Variants in USP22 observed in about 807,000 individuals in gnomAD.
USP22 encodes ubiquitin specific peptidase 22.
A neutral mutation model predicts 68.1 loss-of-function variants in USP22; 22 were observed. That is an observed-to-expected ratio of 0.32 (90% CI 0.23 to 0.46). USP22 has a LOEUF of 0.46. Ranked by LOEUF, USP22 falls within the 20% of genes least tolerant of loss-of-function variation. USP22 has a pLI of 1.00. For synonymous variants in USP22, 279 were observed against 274.2 expected, an observed-to-expected ratio of 1.02 and a Z score of -0.17; for missense variants, 433 against 695.8, an observed-to-expected ratio of 0.62 and a Z score of 4.25.
At chr17:21,011,466 C>CA (rs1267864970) in intron 7 of USP22, 157 bp from the exon 8 acceptor site, 1 of 956,692 alleles carries the variant, frequency 1.0e-6, no homozygotes, top group Non-Finnish European at 1.5e-6. Flanking sequence ...CAGCAGTGCT[C>CA]ACACCCAACG....
chr17:21,003,958 A>G (rs1913687594), intron 12 of USP22, among the ~76,000 whole-genome samples: 1 of 152,082 alleles, frequency 6.6e-6, no homozygotes, highest in African/African-American at 2.4e-5. Flanking sequence ...GTTAAAAAAC[A>G]ACTGCTCTGA....
chr17:21,028,388 C>T (rs1354023049), intron 2 of USP22, among the ~76,000 whole-genome samples, 154 bp downstream of exon 2: 1 of 152,116 alleles, frequency 6.6e-6, no homozygotes, highest in Non-Finnish European at 1.5e-5. Flanking sequence ...CTCGGCTTGT[C>T]CCTTTCACTT....
intron 1 of USP22, among the ~76,000 whole-genome samples, chr17:21,036,493 G>A (rs1432247062): frequency 7.6e-6 from 1 of 131,958 alleles, no homozygotes; most frequent in Non-Finnish European, 1.6e-5. Context: ...AAAAGCAAAA[G>A]GAACTGTAAC....
chr17:21,019,240 G>A lies in USP22; in HGVS notation c.419-55C>T, dbSNP rs1249461417. The A allele has an allele frequency of 2.1e-5, 32 of 1,548,586 alleles. No homozygotes were observed. The Admixed American group carries it at 3.8e-4, about 19-fold the overall frequency. On this transcript the variant is annotated intron_variant, in intron 3 of 12. Coordinates refer to ENST00000261497, the MANE Select transcript of USP22 (RefSeq NM_015276.2). The stretch of plus-strand genomic sequence containing the variant: ...TATTAGCTAGATTTTCACATCAAGT[G>A]TGTTTACACATAAAAGCTGTGGCGC...
In USP22 at chr17:21,011,245, GGGTGGAA is replaced by G; in HGVS notation, c.1002_1008del (p.Ser335HisfsTer5). The G allele has an allele frequency of 6.2e-7, 1 of 1,602,118 alleles. No individual in the cohort carries two copies. The highest frequency in any genetic ancestry group is 8.5e-7 in the Non-Finnish European group (1 of 1,174,216). ...CTCCCTGGGCTCAGGGGCCAGAATGGGGTGGAAGAGCCGGGGAGATCCAAGCTGATGT... is the reference window on the plus strand; with the variant it reads ...CTCCCTGGGCTCAGGGGCCAGAATGGGAGCCGGGGAGATCCAAGCTGATGT... On this transcript the variant is annotated frameshift_variant, in exon 8 of 13. Transcript: ENST00000261497. LOFTEE classifies it high-confidence loss of function.
At chr17:21,043,301 C>CCCCCCCCCCCCCCCCG (rs1972473768), upstream of USP22, 2 of 44,102 alleles carry the variant, frequency 4.5e-5, no homozygotes, top group African/African-American at 8.3e-5. Context: ...AGTAGGCCAC[C>CCCCCCCCCCCCCCCCG]CCCCCCCCCC....
intron 2 of USP22, among the ~76,000 whole-genome samples, chr17:21,027,024 C>T (rs890958255): frequency 1.3e-5 from 2 of 151,704 alleles, no homozygotes; most frequent in African/African-American, 2.4e-5. Context: ...GGGATGGTCT[C>T]GATCTCCAGT....
At chr17:21,007,807 G>A in intron 9 of USP22, 63 bp downstream of exon 9, 1 of 1,599,438 alleles carries the variant, frequency 6.3e-7, no homozygotes, top group Admixed American at 1.7e-5. Flanking sequence ...CCAAAAGGCT[G>A]AGGACCGTAC....
intron 2 of USP22, among the ~76,000 whole-genome samples, chr17:21,026,803 ATT>A (rs576927345): frequency 3.2e-4 from 46 of 142,618 alleles, no homozygotes; most frequent in Middle Eastern, 3.6e-3. Flanking sequence ...TGTCTCCACA[ATT>A]TTTTTTTTTT....
rs1375511654 is a variant in USP22 at position 21,042,655 on chromosome 17, C to G, written c.171+10G>C. ...CCCGAGCCCGCCGCGCGGTGGGCTG[C>G]CGGGCGCACCTTGCGCTTGCGGGCC... On this transcript the variant is annotated intron_variant, in intron 1 of 12. Coordinates refer to ENST00000261497, the MANE Select transcript of USP22 (RefSeq NM_015276.2). 3.2e-6 allele frequency: 4 copies of G among 1,264,356 alleles called. No homozygotes were observed. Among genetic ancestry groups the G allele is most frequent in the Non-Finnish European group, 4.0e-6 (4 of 1,001,160 alleles). 78.3% of individuals were successfully genotyped at this position (1,264,356 alleles called of 1,614,324 possible). A position where few individuals can be genotyped will look rare whatever the true frequency, so the allele number is the denominator to read the frequency against.
chr17:21,003,774 C>T (rs970696521), intron 12 of USP22, among the ~76,000 whole-genome samples: 1 of 148,454 alleles, frequency 6.7e-6, no homozygotes, highest in Non-Finnish European at 1.5e-5. Context: ...ATGGTGCATG[C>T]CTATAATCCC....
Position 21,002,294 on chromosome 17 carries a change from A to T in USP22, c.*737T>A, listed in dbSNP as rs562888821. 1 of 152,256 alleles carries T rather than the reference A, an allele frequency of 6.6e-6. No homozygotes were observed. The highest frequency in any genetic ancestry group is 2.4e-5 in the African/African-American group (1 of 41,464). The allele number at this position is 152,256 out of a possible 1,614,324, so 9.4% of individuals were successfully genotyped here. A position where few individuals can be genotyped will look rare whatever the true frequency, so the allele number is the denominator to read the frequency against. ...CTTGAGACTAAAGGAGAAGTTACCT[A>T]AATTTCTGTATAAACTCAGTAATTC... is the stretch of plus-strand genomic sequence containing the variant. On this transcript the variant is annotated 3_prime_UTR_variant, in exon 13 of 13. Transcript: ENST00000261497.
At chr17:21,015,516 AC>A in intron 6 of USP22, 2 of 515,328 alleles carry the variant, frequency 3.9e-6, no homozygotes, top group South Asian at 6.1e-5. Context: ...GTCACTGAGG[AC>A]CTGTCATACT....
chr17:21,042,540 G>A (rs1006605731), intron 1 of USP22, 125 bp downstream of exon 1: 33 of 930,192 alleles, frequency 3.5e-5, no homozygotes, highest in Non-Finnish European at 4.2e-5. Context: ...AAGGAGAGAG[G>A]AAGAGGAAGG....
At chr17:21,023,010 GATC>G (rs2143593541) in intron 2 of USP22, among the ~76,000 whole-genome samples, 1 of 152,326 alleles carries the variant, frequency 6.6e-6, no homozygotes, top group Admixed American at 6.5e-5. Context: ...AATGAAATGA[GATC>G]ATGTCGTTTG....
chr17:21,028,937 T>C (rs1486023655), intron 1 of USP22, among the ~76,000 whole-genome samples: 1 of 145,328 alleles, frequency 6.9e-6, no homozygotes, highest in South Asian at 2.2e-4. Flanking sequence ...ACGGGGATGT[T>C]CCCCCACCTC....
chr17:21,022,846 G>A (rs1435196880), intron 2 of USP22, among the ~76,000 whole-genome samples: 2 of 150,890 alleles, frequency 1.3e-5, no homozygotes, highest in Non-Finnish European at 2.9e-5. Flanking sequence ...CCCAAAGGAA[G>A]GTAAATGGCT....
At chr17:21,011,961 C>T (rs61739509) in intron 7 of USP22, among the ~76,000 whole-genome samples, 239 of 152,282 alleles carry the variant, frequency 1.6e-3, no homozygotes, top group African/African-American at 5.6e-3. Flanking sequence ...TACTCAGAGA[C>T]AAGGCCCCAA....
In USP22 at chr17:21,015,816, G is replaced by C; in HGVS notation, c.774C>G (p.Tyr258Ter). The C allele has an allele frequency of 6.2e-7, 1 of 1,614,040 alleles. No homozygotes were observed. Among genetic ancestry groups the C allele is most frequent in the Non-Finnish European group, 8.5e-7 (1 of 1,180,006 alleles). Residue 258 changes from tyrosine (Y) to a stop codon, truncating the protein, a stop_gained, in exon 6 of 13, where the codon TAC becomes TAG. Transcript: ENST00000261497. LOFTEE classifies it high-confidence loss of function. ...GGAACTCGTGGGCGTCCTGCTGCTC[G>C]TAGCCTGCTAGGTGCCTCGCGTGGG... ...VWTHARHLAG[Y>*]EQQDAHEFLI...
Sources: gnomAD v4.1 joint callset for allele counts (sites outside exome capture counted in the v4.1 genomes callset) on GRCh38, gnomAD v4.1.1 for gene constraint, MANE v1.5 for transcripts, NCBI Gene and HGNC (gene_info 2026-07-23, HGNC 2026-07-21) for gene names.